The following IMMP2L variants were observed in gnomAD, a reference collection of about 807,000 sequenced individuals.
IMMP2L encodes mitochondrial inner membrane protease subunit 2.
A neutral mutation model predicts 19.3 loss-of-function variants in IMMP2L; 18 were observed. That is an observed-to-expected ratio of 0.93 (90% confidence interval 0.64 to 1.38). IMMP2L has a LOEUF of 1.38. Among genes scored for constraint, IMMP2L ranks in the 40% most tolerant of loss-of-function variants. The pLI is 0.00. For missense variants in IMMP2L, 233 were observed against 218.2 expected (o/e 1.07, Z -0.43); for synonymous variants, 76 against 73.0 (o/e 1.04, Z -0.21).
chr7:111,077,467 C>T, intron 3 of IMMP2L, among the ~76,000 whole-genome samples: 1 of 152,246 alleles, frequency 6.6e-6, no homozygotes, highest in African/African-American at 2.4e-5. Context: ...TGACTTAAAT[C>T]CTCTTTTGTC....
At chr7:111,135,110 C>G (rs1802209012) in intron 3 of IMMP2L, among the ~76,000 whole-genome samples, 1 of 152,090 alleles carries the variant, frequency 6.6e-6, no homozygotes, top group Admixed American at 6.6e-5. Flanking sequence ...TCGGCACAAA[C>G]TGTCATCTCA....
At chr7:110,806,696 G>A (rs1306971363) in intron 5 of IMMP2L, among the ~76,000 whole-genome samples, 1 of 151,886 alleles carries the variant, frequency 6.6e-6, no homozygotes, top group Non-Finnish European at 1.5e-5. Context: ...TCAGATCTAT[G>A]GCTGCCAAAT....
chr7:111,513,753 G>A (rs1212153890), intron 2 of IMMP2L, among the ~76,000 whole-genome samples: 1 of 152,096 alleles, frequency 6.6e-6, no homozygotes, highest in Non-Finnish European at 1.5e-5. Context: ...CAGTGTGGGT[G>A]TGGGTTTCTG....
chr7:111,011,882 C>T (rs1585737772), intron 3 of IMMP2L, among the ~76,000 whole-genome samples: 2 of 152,220 alleles, frequency 1.3e-5, no homozygotes, highest in South Asian at 4.1e-4. Flanking sequence ...GGAGAGCGAG[C>T]ACAAAATTCT....
intron 5 of IMMP2L, among the ~76,000 whole-genome samples, chr7:110,744,556 G>A (rs1797201301): frequency 6.6e-6 from 1 of 152,202 alleles, no homozygotes; most frequent in South Asian, 2.1e-4. Flanking sequence ...GATAGAATAG[G>A]CAGCAATCTT....
At chr7:110,805,196 T>C (rs1207558954) in intron 5 of IMMP2L, among the ~76,000 whole-genome samples, 1 of 152,126 alleles carries the variant, frequency 6.6e-6, no homozygotes. Flanking sequence ...GTTTCATCTA[T>C]TACTGATATA....
chr7:111,151,632 G>A (rs1440592320), intron 3 of IMMP2L, among the ~76,000 whole-genome samples: 1 of 152,152 alleles, frequency 6.6e-6, no homozygotes, highest in Non-Finnish European at 1.5e-5. Flanking sequence ...ACATTTATGA[G>A]TCAATCACGG....
intron 1 of IMMP2L, among the ~76,000 whole-genome samples, chr7:111,560,231 A>G (rs1791877437): frequency 3.3e-5 from 5 of 151,912 alleles, no homozygotes; most frequent in Middle Eastern, 3.2e-3. Context: ...TTAATTCTAA[A>G]TAACTTTTTT....
chr7:110,715,530 A>T (rs886964443), intron 5 of IMMP2L, among the ~76,000 whole-genome samples: 2 of 152,192 alleles, frequency 1.3e-5, no homozygotes, highest in African/African-American at 4.8e-5. Flanking sequence ...TTTTCCCAAA[A>T]ATCATTCAGG....
At chr7:110,814,666 A>T (rs1258134270) in intron 5 of IMMP2L, among the ~76,000 whole-genome samples, 2 of 149,002 alleles carry the variant, frequency 1.3e-5, no homozygotes, top group African/African-American at 4.9e-5. Flanking sequence ...TCAGAGTAGA[A>T]TTCTTTTTCA....
intron 3 of IMMP2L, among the ~76,000 whole-genome samples, chr7:111,290,332 G>A (rs1481206380): frequency 6.6e-6 from 1 of 152,012 alleles, no homozygotes; most frequent in Non-Finnish European, 1.5e-5. Context: ...ATAATATGAG[G>A]AATAAGAAAA....
Position 111,355,087 on chromosome 7 carries a change from T to C in IMMP2L, c.239+132151A>G, listed in dbSNP as rs114469154. On this transcript the variant is annotated intron_variant, in intron 3 of 5. Transcript: ENST00000405709. Reference sequence around the variant, plus strand: ...AGGTAATCTTTAGCAGCAGCATCCATGAATAACTTTTATGAATGTCCAATT... The same window carrying C: ...AGGTAATCTTTAGCAGCAGCATCCACGAATAACTTTTATGAATGTCCAATT... Among the ~76,000 whole-genome samples the C allele has an allele frequency of 9.0e-3, 1,368 of 152,010 alleles. 26 individuals carry two copies. Among genetic ancestry groups the C allele is most frequent in the African/African-American group, 0.032 (1,311 of 41,568 alleles).
At chr7:111,438,735 T>C (rs1288185558) in intron 3 of IMMP2L, among the ~76,000 whole-genome samples, 1 of 151,850 alleles carries the variant, frequency 6.6e-6, no homozygotes, top group African/African-American at 2.4e-5. Flanking sequence ...GTCACGCTTC[T>C]TCCCAGAAGA....
At chr7:110,970,181 TTGAG>T (rs1220944866) in intron 3 of IMMP2L, among the ~76,000 whole-genome samples, 8 of 152,154 alleles carry the variant, frequency 5.3e-5, no homozygotes, top group Non-Finnish European at 1.2e-4. Flanking sequence ...AGCTGTGTAA[TTGAG>T]TATTTTTGAT....
At chr7:111,154,501 C>G (rs28447649) in intron 3 of IMMP2L, among the ~76,000 whole-genome samples, 1 of 151,966 alleles carries the variant, frequency 6.6e-6, no homozygotes, top group Non-Finnish European at 1.5e-5. Context: ...TCCCTTTTTA[C>G]CACTACAATT....
intron 3 of IMMP2L, among the ~76,000 whole-genome samples, chr7:111,304,423 A>G (rs1342176912): frequency 6.6e-6 from 1 of 152,068 alleles, no homozygotes; most frequent in Non-Finnish European, 1.5e-5. Flanking sequence ...AAATGAAATT[A>G]GCACCCTGAG....
intron 3 of IMMP2L, among the ~76,000 whole-genome samples, chr7:111,231,224 A>G (rs1813681992): frequency 6.6e-6 from 1 of 152,002 alleles, no homozygotes; most frequent in Non-Finnish European, 1.5e-5. Flanking sequence ...GTAAATTATT[A>G]TGATATTTTA....
At chr7:111,118,587 C>T (rs115606821) in intron 3 of IMMP2L, among the ~76,000 whole-genome samples, 6 of 152,006 alleles carry the variant, frequency 3.9e-5, no homozygotes, top group African/African-American at 1.2e-4. Flanking sequence ...ATGTACCTCA[C>T]CAACCTATCT....
chr7:110,751,865 T>TATATATG (rs1312279078), intron 5 of IMMP2L, among the ~76,000 whole-genome samples: 27 of 151,844 alleles, frequency 1.8e-4, no homozygotes, highest in Admixed American at 4.0e-4. Context: ...ACATGGATTA[T>TATATATG]GACCTTATAT....
Sources: gnomAD v4.1 joint callset for allele counts (sites outside exome capture counted in the v4.1 genomes callset) on GRCh38, gnomAD v4.1.1 for gene constraint, MANE v1.5 for transcripts, NCBI Gene and HGNC (gene_info 2026-07-23, HGNC 2026-07-21) for gene names.